ROR1: variants seen among roughly 807,000 people sequenced by gnomAD.
ROR1 encodes the protein inactive tyrosine-protein kinase transmembrane receptor ROR1.
ROR1 carries 19 observed loss-of-function variants against 78.8 expected under a neutral mutation model. The ratio of observed to expected loss-of-function variants is 0.24; its 90% CI spans 0.17 to 0.35. The LOEUF (loss-of-function observed/expected upper bound fraction) is 0.35. Ranked by LOEUF, ROR1 falls within the 10% of genes least tolerant of loss-of-function variation. The pLI, the probability that ROR1 is intolerant of heterozygous loss-of-function variation, is 1.00. For synonymous variants in ROR1, 386 were observed against 433.6 expected (o/e 0.89, Z 1.36); for missense variants, 917 against 1,177.8 (o/e 0.78, Z 3.24).
chr1:64,035,652 G>T (rs1211811134), intron 2 of ROR1, among the ~76,000 whole-genome samples: 2 of 152,110 alleles, frequency 1.3e-5, no homozygotes, highest in African/African-American at 4.8e-5. Flanking sequence ...TCAATCTGGG[G>T]GCCATAGAGT....
chr1:64,167,301 A>G (rs1650113655), intron 8 of ROR1, among the ~76,000 whole-genome samples: 1 of 152,158 alleles, frequency 6.6e-6, no homozygotes, highest in East Asian at 1.9e-4. Flanking sequence ...TAACTCAACC[A>G]CAGAATCAAC....
At chr1:63,810,480 G>T (rs1644854580) in intron 1 of ROR1, among the ~76,000 whole-genome samples, 1 of 152,210 alleles carries the variant, frequency 6.6e-6, no homozygotes, top group South Asian at 2.1e-4. Flanking sequence ...GAACTGCTAG[G>T]CAGGAGGGGG....
chr1:63,943,103 A>AC (rs1557574775), intron 1 of ROR1, among the ~76,000 whole-genome samples: 31 of 145,044 alleles, frequency 2.1e-4, no homozygotes, highest in African/African-American at 8.6e-4. Context: ...TAAAAAAAAA[A>AC]AAAAAAAAAA....
At chr1:63,979,582 G>A (rs1450548476) in intron 1 of ROR1, among the ~76,000 whole-genome samples, 2 of 152,118 alleles carry the variant, frequency 1.3e-5, no homozygotes, top group Non-Finnish European at 2.9e-5. Flanking sequence ...CCTGAAACCC[G>A]ACCTCTTTCT....
chr1:63,791,522 C>G (rs1201907923), intron 1 of ROR1, among the ~76,000 whole-genome samples: 1 of 152,036 alleles, frequency 6.6e-6, no homozygotes, highest in Admixed American at 6.5e-5. Context: ...CTTCCCAGGC[C>G]CCTTTCTGTA....
rs1023083580 is a variant in ROR1 at position 64,180,030 on chromosome 1, G to T, written c.*1175G>T. 5 of 152,078 alleles carry T rather than the reference G, an allele frequency of 3.3e-5. No individual in the cohort carries two copies. Among genetic ancestry groups the T allele is most frequent in the African/African-American group, 1.2e-4 (5 of 41,418 alleles). The allele number at this position is 152,078 out of a possible 1,614,324, so 9.4% of individuals were successfully genotyped here. ...ATCCAAAGGCAATTAATTCTATTTTGCAAAATATGATGGTCTTCCTAAAAA... is the reference window on the plus strand; with the variant it reads ...ATCCAAAGGCAATTAATTCTATTTTTCAAAATATGATGGTCTTCCTAAAAA... On this transcript the variant is annotated 3_prime_UTR_variant, in exon 9 of 9. Coordinates refer to ENST00000371079, the MANE Select transcript of ROR1 (RefSeq NM_005012.4).
At chr1:63,807,832 A>G (rs1644838731) in intron 1 of ROR1, among the ~76,000 whole-genome samples, 1 of 152,122 alleles carries the variant, frequency 6.6e-6, no homozygotes, top group Non-Finnish European at 1.5e-5. Context: ...TGGTCTCTGG[A>G]GATACAAAGA....
chr1:63,858,828 C>A (rs1359885741), intron 1 of ROR1, among the ~76,000 whole-genome samples: 1 of 152,000 alleles, frequency 6.6e-6, no homozygotes, highest in Non-Finnish European at 1.5e-5. Context: ...CTGTTATCTC[C>A]CACTATACTA....
At chr1:63,972,461 G>C (rs1050953236) in intron 1 of ROR1, among the ~76,000 whole-genome samples, 1 of 152,180 alleles carries the variant, frequency 6.6e-6, no homozygotes, top group African/African-American at 2.4e-5. Flanking sequence ...GCCTAGCACA[G>C]CTTTAGGCTC....
At chr1:63,777,983 C>T (rs1176894260) in intron 1 of ROR1, among the ~76,000 whole-genome samples, 1 of 152,134 alleles carries the variant, frequency 6.6e-6, no homozygotes, top group Admixed American at 6.5e-5. Context: ...AAGGATTTTT[C>T]CTTTTCTTGT....
chr1:63,933,452 A>G (rs1187367440), intron 1 of ROR1, among the ~76,000 whole-genome samples: 3 of 152,114 alleles, frequency 2.0e-5, no homozygotes, highest in Non-Finnish European at 4.4e-5. Context: ...CCCTCAATCA[A>G]ATGTCTGGCA....
chr1:64,175,511 T>C (rs192745529), intron 8 of ROR1, among the ~76,000 whole-genome samples: 37 of 152,338 alleles, frequency 2.4e-4, no homozygotes, highest in Middle Eastern at 3.4e-3. Context: ...ATCAATAAGA[T>C]TTAATTTACT....
chr1:63,948,931 C>T (rs914679379), intron 1 of ROR1, among the ~76,000 whole-genome samples: 2 of 152,156 alleles, frequency 1.3e-5, no homozygotes, highest in African/African-American at 2.4e-5. Flanking sequence ...ATAAGCCACA[C>T]GGTCTATGAT....
At chr1:64,008,320 T>A (rs1288660013) in intron 1 of ROR1, among the ~76,000 whole-genome samples, 3 of 152,230 alleles carry the variant, frequency 2.0e-5, no homozygotes, top group Admixed American at 6.5e-5. Flanking sequence ...CTACATAGTA[T>A]TCCATGGTAT....
chr1:63,956,425 G>T (rs1335138694), intron 1 of ROR1, among the ~76,000 whole-genome samples: 1 of 152,168 alleles, frequency 6.6e-6, no homozygotes, highest in Non-Finnish European at 1.5e-5. Context: ...CCAAGCCCTG[G>T]AAGCTAACTC....
intron 1 of ROR1, among the ~76,000 whole-genome samples, chr1:63,880,647 T>C (rs1465255114): frequency 6.6e-6 from 1 of 152,192 alleles, no homozygotes; most frequent in African/African-American, 2.4e-5. Flanking sequence ...TTGAGCTCTG[T>C]TTGAGGTGTT....
At chr1:64,168,154 A>G (rs1650136952) in intron 8 of ROR1, among the ~76,000 whole-genome samples, 2 of 152,218 alleles carry the variant, frequency 1.3e-5, no homozygotes, top group Non-Finnish European at 2.9e-5. Context: ...TATGTCCGAG[A>G]GCAGACAAGG....
intron 2 of ROR1, among the ~76,000 whole-genome samples, chr1:64,043,369 A>G (rs1324058279): frequency 6.6e-6 from 1 of 152,210 alleles, no homozygotes; most frequent in Non-Finnish European, 1.5e-5. Flanking sequence ...ACAATAACAC[A>G]TGAAGTGCTG....
intron 1 of ROR1, among the ~76,000 whole-genome samples, chr1:64,002,133 T>A (rs901104498): frequency 2.4e-4 from 4 of 16,772 alleles, no homozygotes; most frequent in African/African-American, 3.3e-4. Context: ...AGTTCAACCT[T>A]TTTTTTTTTT....
Sources: allele counts gnomAD v4.1 joint callset (sites outside exome capture counted in the v4.1 genomes callset), GRCh38; gene constraint gnomAD v4.1.1; transcripts MANE v1.5; gene names NCBI Gene and HGNC (gene_info 2026-07-23, HGNC 2026-07-21).